GNPTG: variants seen among roughly 807,000 people sequenced by gnomAD.
The protein encoded by GNPTG is N-acetylglucosamine-1-phosphotransferase subunit gamma.
A neutral mutation model predicts 43.8 loss-of-function variants in GNPTG; 46 were observed. That is an observed-to-expected ratio of 1.05 (90% CI 0.83 to 1.34). The LOEUF (loss-of-function observed/expected upper bound fraction) is 1.34. GNPTG is among the 40% of genes most tolerant of loss of function. The pLI is 0.00. For synonymous variants in GNPTG, 250 were observed against 172.8 expected, an observed-to-expected ratio of 1.45 and a Z score of -3.50; for missense variants, 549 against 411.3, an observed-to-expected ratio of 1.33 and a Z score of -2.90.
rs1281782195 is a variant in GNPTG, at chr16:1,362,093, G to A, written c.373G>A (p.Asp125Asn). The A allele has an allele frequency of 1.9e-6, 3 of 1,611,634 alleles. No individual in the cohort carries two copies. The highest frequency in any genetic ancestry group is 2.2e-5 in the South Asian group (2 of 90,936). Residue 125 changes from aspartate to asparagine, a missense_variant, in exon 6 of 11, where the codon GAC becomes AAC. Transcript: ENST00000204679. Reference protein sequence around the residue: ...NNTFTGMWMRDGDACRSRSRQ... With the variant: ...NNTFTGMWMRNGDACRSRSRQ... ...CACCTTCACGGGCATGTGGATGAGG[G>A]ACGGTGACGCCTGCCGTTCCCGGAG...
chr16:1,363,051 A>T lies in GNPTG; in HGVS notation c.878A>T (p.Glu293Val), dbSNP rs372062796. The change falls in exon 11 of 11, where the codon GAG becomes GTG. Residue 293 changes from glutamate to valine, a missense_variant. Coordinates refer to ENST00000204679, the MANE Select transcript of GNPTG (RefSeq NM_032520.5). The stretch of plus-strand genomic sequence containing the variant: ...GAGACGCCCAGAGCCAAGTCTCCAG[A>T]GCAGCTGCGGGGTGACCCAGGACTG... ...GHETPRAKSP[E>V]QLRGDPGLRG... The T allele has an allele frequency of 6.2e-7, 1 of 1,613,980 alleles. No homozygotes were observed. Among genetic ancestry groups the T allele is most frequent in the East Asian group, 2.2e-5 (1 of 44,864 alleles).
Position 1,362,874 on chromosome 16 carries a change from C to G in GNPTG, c.791C>G (p.Thr264Ser). 6.2e-7 allele frequency: 1 copy of G among 1,613,954 alleles called. No homozygotes were observed. Among genetic ancestry groups the G allele is most frequent in the Non-Finnish European group, 8.5e-7 (1 of 1,179,992 alleles). ...ATCAAAAGGCTGAAAGGTTTGCTCA[C>G]CCAGCACGGCATCCCCTACACGAGG... Reference protein sequence around the residue: ...KEIKRLKGLLTQHGIPYTRPT... With the variant: ...KEIKRLKGLLSQHGIPYTRPT... The change falls in exon 10 of 11, where the codon ACC (threonine) becomes AGC (serine). Residue 264 changes from threonine (T) to serine (S), a missense_variant. Coordinates refer to ENST00000204679, the MANE Select transcript of GNPTG (RefSeq NM_032520.5).
Position 1,361,731 on chromosome 16 carries a change from G to C in GNPTG, c.179-12G>C. 1 of 1,614,126 alleles carries C rather than the reference G, an allele frequency of 6.2e-7. No homozygotes were observed. The stretch of plus-strand genomic sequence containing the variant: ...GCTTGGACCCTGGGGATCAGTGTGA[G>C]GTCTCTTCCAGGACCCGTGCATCTC... On this transcript the variant is annotated splice_polypyrimidine_tract_variant and intron_variant, in intron 3 of 10. Transcript: ENST00000204679.
At chr16:1,356,639 G>A (rs1228051288) in intron 3 of GNPTG, among the ~76,000 whole-genome samples, 2 of 152,202 alleles carry the variant, frequency 1.3e-5, no homozygotes, top group Non-Finnish European at 2.9e-5. Context: ...TGAAGCTGTG[G>A]ACAGCACCCA....
At chr16:1,356,909 G>A (rs74002209) in intron 3 of GNPTG, among the ~76,000 whole-genome samples, 1 of 12,646 alleles carries the variant, frequency 7.9e-5, no homozygotes, top group Non-Finnish European at 2.4e-4. Context: ...GTGTGCGGGC[G>A]AGAGTGTGCG....
chr16:1,354,785 A>AT (rs1382929604), intron 3 of GNPTG, among the ~76,000 whole-genome samples: 2 of 151,770 alleles, frequency 1.3e-5, no homozygotes, highest in Admixed American at 6.6e-5. Context: ...CAGTTTCCTG[A>AT]TCTTTTTGTT....
In GNPTG at chr16:1,361,954, G is replaced by T; in HGVS notation, c.316G>T (p.Gly106Cys). 6.2e-7 allele frequency: 1 copy of T among 1,613,494 alleles called. No individual in the cohort carries two copies. Among genetic ancestry groups the T allele is most frequent in the Non-Finnish European group, 8.5e-7 (1 of 1,180,044 alleles). ...CTGGAACGCCTACAGTGGGATCCTC[G>T]GGTGAGTGGGGCCGGGGCAGGGATC... ...FRWNAYSGIL[G>C]IWHEWEIANN... The change falls in exon 5 of 11, where the codon GGC becomes TGC. Residue 106 changes from glycine to cysteine, a missense_variant and splice_region_variant. Gly to Cys is a radical substitution (Grantham distance 159). Coordinates refer to ENST00000204679, the MANE Select transcript of GNPTG (RefSeq NM_032520.5).
At chr16:1,353,633 C>T (rs2034723429) in intron 3 of GNPTG, among the ~76,000 whole-genome samples, 2 of 152,172 alleles carry the variant, frequency 1.3e-5, no homozygotes, top group African/African-American at 4.8e-5. Context: ...AAGCAATCCA[C>T]CAACCTCAGC....
chr16:1,361,874 A>G lies in GNPTG; in HGVS notation c.236A>G (p.Tyr79Cys). Residue 79 changes from tyrosine to cysteine, a missense_variant and splice_region_variant, in exon 5 of 11, where the codon TAC (tyrosine) becomes TGC (cysteine). Transcript: ENST00000204679. ...CCTCATGCCATCTGTGTCCCCAGGT[A>G]CAAGTATGAGTTCTGCCCGTTCCAC... ...GKCFSLVESTYKYEFCPFHNV... is the reference protein window; with the variant it reads ...GKCFSLVESTCKYEFCPFHNV... 3 of 1,613,884 alleles carry G rather than the reference A, an allele frequency of 1.9e-6. No homozygotes were observed. The highest frequency in any genetic ancestry group is 1.1e-5 in the South Asian group (1 of 91,080).
At chr16:1,357,480 G>T (rs900563276) in intron 3 of GNPTG, among the ~76,000 whole-genome samples, 1 of 142,338 alleles carries the variant, frequency 7.0e-6, no homozygotes, top group Non-Finnish European at 1.6e-5. Context: ...TGTGTATTTC[G>T]ACTTTATTAT....
intron 3 of GNPTG, among the ~76,000 whole-genome samples, chr16:1,355,271 T>C (rs927479502): frequency 5.4e-4 from 82 of 152,316 alleles, no homozygotes; most frequent in African/African-American, 1.9e-3. Flanking sequence ...CTGTCTTTGA[T>C]GTAGCGCTCC....
At chr16:1,356,613 G>A (rs1161330720) in intron 3 of GNPTG, among the ~76,000 whole-genome samples, 2 of 152,196 alleles carry the variant, frequency 1.3e-5, no homozygotes, top group South Asian at 2.1e-4. Context: ...CTGCACCTCA[G>A]CCAGTAGGAG....
At chr16:1,354,585 C>CAAAAAAAAAAAAAAAAAAAAA (rs869067502) in intron 3 of GNPTG, among the ~76,000 whole-genome samples, 2 of 44,366 alleles carry the variant, frequency 4.5e-5, no homozygotes, top group East Asian at 1.6e-3. Flanking sequence ...GACTTCGTCT[C>CAAAAAAAAAAAAAAAAAAAAA]AAAAAAAAAA....
At chr16:1,355,751 G>A (rs2034764203) in intron 3 of GNPTG, among the ~76,000 whole-genome samples, 2 of 152,016 alleles carry the variant, frequency 1.3e-5, no homozygotes, top group South Asian at 4.1e-4. Context: ...GCCTTGGCAG[G>A]GTCCTGGATC....
intron 3 of GNPTG, among the ~76,000 whole-genome samples, chr16:1,352,857 G>A (rs552394359): frequency 1.3e-5 from 2 of 152,014 alleles, no homozygotes; most frequent in African/African-American, 4.8e-5. Context: ...TTTGCCCTCA[G>A]GTGAGCGGTT....
intron 3 of GNPTG, chr16:1,358,900 G>C: frequency 6.6e-6 from 1 of 151,858 alleles, no homozygotes; most frequent in Non-Finnish European, 1.5e-5. Flanking sequence ...CTCACTCTGT[G>C]GCCCAGACTG....
chr16:1,354,605 A>G (rs1313986074), intron 3 of GNPTG, among the ~76,000 whole-genome samples: 1 of 149,988 alleles, frequency 6.7e-6, no homozygotes, highest in Non-Finnish European at 1.5e-5. Flanking sequence ...AAAAAAAAAA[A>G]AAAACCCATA....
intron 4 of GNPTG, 34 bp downstream of exon 4, chr16:1,361,831 G>A (rs745356243): frequency 1.1e-5 from 18 of 1,613,934 alleles, no homozygotes; most frequent in East Asian, 2.2e-5. Context: ...GTGGGCTGGG[G>A]CGCAGCCTGC....
rs942079497 is a variant in GNPTG at position 1,352,013 on chromosome 16, C to G, written c.48C>G (p.Ala16=). The G allele has an allele frequency of 6.8e-7, 1 of 1,465,466 alleles. No individual in the cohort carries two copies. Among genetic ancestry groups the G allele is most frequent in the Non-Finnish European group, 9.0e-7 (1 of 1,113,916 alleles). The allele number at this position is 1,465,466 out of a possible 1,614,324, so 90.8% of individuals were successfully genotyped here. Residue 16 remains alanine, a synonymous_variant, in exon 1 of 11, where the codon GCC becomes GCG. Transcript: ENST00000204679. ...TCCTGTTGCTCCTCGGGCTCTCGGC[C>G]GGCGGTGAGTGGCCCGGCCGTCCGC... is the stretch of plus-strand genomic sequence containing the variant. ...ARLLLLLGLS[A]GGPAPAGAAK... is the part of the protein sequence containing the mutation.
Sources: gnomAD v4.1 joint callset for allele counts (sites outside exome capture counted in the v4.1 genomes callset) on GRCh38, gnomAD v4.1.1 for gene constraint, MANE v1.5 for transcripts, NCBI Gene and HGNC (gene_info 2026-07-23, HGNC 2026-07-21) for gene names.